CCAR1: variants seen among roughly 807,000 people sequenced by gnomAD.
CCAR1 encodes the protein cell division cycle and apoptosis regulator protein 1.
CCAR1 carries 78 observed loss-of-function variants against 163.8 expected under a neutral mutation model. The ratio of observed to expected loss-of-function variants is 0.48; its 90% CI spans 0.40 to 0.57. The LOEUF (loss-of-function observed/expected upper bound fraction) is 0.57, where lower values mean the gene tolerates loss of function less well. Among genes scored for constraint, CCAR1 ranks in the 20% least tolerant of loss-of-function variants. CCAR1 has a pLI of 0.00. For synonymous variants in CCAR1, 443 were observed against 460.7 expected (o/e 0.96, Z 0.49); for missense variants, 1,019 against 1,365.2 (o/e 0.75, Z 4.00).
Position 68,742,290 on chromosome 10 carries a change from A to G in CCAR1, c.325-86A>G, listed in dbSNP as rs1057408829. ...TCTAACATAATATGAAATTTTTAAC[A>G]TTCTGGGTTAGTTTTAAGTAGTCAT... On this transcript the variant is annotated intron_variant, in intron 5 of 24. Transcript: ENST00000265872. 6.9e-5 allele frequency: 68 copies of G among 987,184 alleles called. No individual in the cohort carries two copies. The Middle Eastern group carries it at 1.1e-3, about 16-fold the overall frequency. 61.2% of individuals were successfully genotyped at this position (987,184 alleles called of 1,614,324 possible). A position where few individuals can be genotyped will look rare whatever the true frequency, so the allele number is the denominator to read the frequency against.
At chr10:68,728,506 T>C (rs752509842) in intron 2 of CCAR1, among the ~76,000 whole-genome samples, 1 of 152,170 alleles carries the variant, frequency 6.6e-6, no homozygotes. Context: ...CCAACAGTTA[T>C]TTGAATTGTA....
chr10:68,758,607 ACG>A (rs1689922673), intron 15 of CCAR1, among the ~76,000 whole-genome samples: 3 of 134,194 alleles, frequency 2.2e-5, no homozygotes, highest in Admixed American at 1.5e-4. Context: ...ACATATATAT[ACG>A]TGTGTGTATA....
chr10:68,782,128 C>A (rs2056743990), intron 19 of CCAR1, among the ~76,000 whole-genome samples: 1 of 152,144 alleles, frequency 6.6e-6, no homozygotes, highest in South Asian at 2.1e-4. Context: ...TAGAAGGTCA[C>A]ACCAGTCACA....
chr10:68,742,564 G>A lies in CCAR1; in HGVS notation c.513G>A (p.Gln171=), dbSNP rs139860659. The stretch of plus-strand genomic sequence containing the variant: ...TTGTGGATGAAGATGTATTCTTTCA[G>A]CTTAGGTAAACTTAATGAGGTCTTG... ...FGFVDEDVFF[Q]LSAVKGKTPQ... Residue 171 remains glutamine (Q), a synonymous_variant, in exon 6 of 25, where the codon CAG becomes CAA. Transcript: ENST00000265872. 16 of 1,612,004 alleles carry A rather than the reference G, an allele frequency of 9.9e-6. No homozygotes were observed. In the African/African-American group the frequency reaches 2.1e-4, roughly 22 times the overall value.
chr10:68,776,522 C>T (rs530383950), intron 19 of CCAR1, among the ~76,000 whole-genome samples: 23 of 152,194 alleles, frequency 1.5e-4, no homozygotes, highest in African/African-American at 4.8e-4. Flanking sequence ...ACCGAGATCA[C>T]GCCATTGCAC....
intron 24 of CCAR1, among the ~76,000 whole-genome samples, chr10:68,790,864 CA>C (rs758116859): frequency 0.028 from 3,120 of 111,170 alleles, 54 homozygotes; most frequent in South Asian, 0.064. Context: ...GACTCTGTCT[CA>C]AAAAAAAAAA....
intron 2 of CCAR1, among the ~76,000 whole-genome samples, chr10:68,732,713 AT>A (rs1311161230): frequency 6.6e-6 from 1 of 152,114 alleles, no homozygotes; most frequent in African/African-American, 2.4e-5. Context: ...GATGACAGCT[AT>A]GGATTTATCT....
chr10:68,752,903 GA>G (rs2056351020), intron 10 of CCAR1, among the ~76,000 whole-genome samples: 3 of 148,586 alleles, frequency 2.0e-5, no homozygotes, highest in African/African-American at 7.3e-5. Context: ...TAGATAGATA[GA>G]TAGATAGATA....
At chr10:68,786,320 C>T in intron 20 of CCAR1, 102 bp downstream of exon 20, 1 of 880,842 alleles carries the variant, frequency 1.1e-6, no homozygotes, top group Non-Finnish European at 1.7e-6. Context: ...TCTTTATTAC[C>T]ACTAAGTAAA....
rs1170364078 is a variant in CCAR1, at chr10:68,754,738, A to G, written c.1369A>G (p.Met457Val). ...GGTAATGCTGATGGCTAGCCCTAGT[A>G]TGGAAGATTTATATCATAAGTCATG... Reference protein sequence around the residue: ...AKVMLMASPSMEDLYHKSCAL... With the variant: ...AKVMLMASPSVEDLYHKSCAL... The change falls in exon 12 of 25, where the codon ATG (methionine) becomes GTG (valine). Residue 457 changes from methionine to valine, a missense_variant. This residue lies in a region of CCAR1 where 644 missense variants were observed against 904.4 expected (regional missense o/e 0.71). Transcript: ENST00000265872. The G allele has an allele frequency of 3.7e-6, 6 of 1,607,392 alleles. No homozygotes were observed. Among genetic ancestry groups the G allele is most frequent in the Non-Finnish European group, 5.1e-6 (6 of 1,174,156 alleles).
chr10:68,725,121 A>C (rs1054702456), intron 2 of CCAR1, among the ~76,000 whole-genome samples: 1 of 152,182 alleles, frequency 6.6e-6, no homozygotes, highest in Non-Finnish European at 1.5e-5. Flanking sequence ...TAGCCTGGGC[A>C]ACGAGAGAAA....
At chr10:68,757,403 T>C (rs764066882) in intron 15 of CCAR1, 26 bp downstream of exon 15, 9 of 1,293,582 alleles carry the variant, frequency 7.0e-6, no homozygotes, top group Admixed American at 1.8e-5. Flanking sequence ...ATGGATTTTA[T>C]TTATTTTTTT....
intron 10 of CCAR1, among the ~76,000 whole-genome samples, chr10:68,750,513 C>A (rs1384533208): frequency 6.6e-6 from 1 of 152,206 alleles, no homozygotes; most frequent in African/African-American, 2.4e-5. Flanking sequence ...GTGTGAGCTA[C>A]TGCTCCTGGC....
Position 68,755,484 on chromosome 10 carries a change from A to G in CCAR1, c.1573A>G (p.Ile525Val), listed in dbSNP as rs754259046. Reference sequence around the variant, plus strand: ...TCCCTCTGTGTTGATTAAGACTGCTATTCGTTGTTGTAAGGCTCTGACAGG... The same window carrying G: ...TCCCTCTGTGTTGATTAAGACTGCTGTTCGTTGTTGTAAGGCTCTGACAGG... ...KDPSVLIKTA[I>V]RCCKALTGID... Residue 525 changes from isoleucine to valine, a missense_variant, in exon 13 of 25, where the codon ATT (isoleucine) becomes GTT (valine). Physicochemically the swap from Ile to Val is conservative, Grantham distance 29. Coordinates refer to ENST00000265872, the MANE Select transcript of CCAR1 (RefSeq NM_018237.4). 3.7e-6 allele frequency: 6 copies of G among 1,614,158 alleles called. No individual in the cohort carries two copies. The highest frequency in any genetic ancestry group is 1.3e-5 in the African/African-American group (1 of 75,052).
chr10:68,762,189 C>T (rs948505041), intron 16 of CCAR1, among the ~76,000 whole-genome samples: 2 of 151,870 alleles, frequency 1.3e-5, no homozygotes, highest in Admixed American at 6.6e-5. Flanking sequence ...ATTAGCTGGG[C>T]GTGGTTGCAG....
intron 15 of CCAR1, among the ~76,000 whole-genome samples, chr10:68,758,564 T>G (rs1589171612): frequency 6.6e-6 from 1 of 150,770 alleles, no homozygotes; most frequent in East Asian, 2.0e-4. Flanking sequence ...TATACATATA[T>G]ATATGTACAC....
intron 2 of CCAR1, among the ~76,000 whole-genome samples, chr10:68,724,027 G>A (rs560232850): frequency 4.0e-5 from 6 of 151,874 alleles, no homozygotes; most frequent in South Asian, 2.1e-4. Flanking sequence ...GCATGGTGGT[G>A]CATGCCTGTA....
At chr10:68,758,587 ATG>A (rs1429657157) in intron 15 of CCAR1, among the ~76,000 whole-genome samples, 2 of 149,416 alleles carry the variant, frequency 1.3e-5, no homozygotes, top group African/African-American at 5.0e-5. Context: ...GTTTGTATAT[ATG>A]TACACACACA....
At chr10:68,750,019 A>C (rs1026101675) in intron 10 of CCAR1, among the ~76,000 whole-genome samples, 2 of 152,160 alleles carry the variant, frequency 1.3e-5, no homozygotes, top group African/African-American at 4.8e-5. Flanking sequence ...ATAAAGCAAT[A>C]ATAGAGTAGT....
Sources: gnomAD v4.1 joint callset for allele counts (sites outside exome capture counted in the v4.1 genomes callset) on GRCh38, gnomAD v4.1.1 for gene constraint, gnomAD v4.1.1 regional missense constraint, MANE v1.5 for transcripts, NCBI Gene and HGNC (gene_info 2026-07-23, HGNC 2026-07-21) for gene names.